Variants in NLRP2 observed in about 807,000 individuals in gnomAD.
NLRP2 encodes the protein NACHT, LRR and PYD domains-containing protein 2.
In NLRP2, 107 loss-of-function variants were observed where a neutral mutation model predicts 97.2. That is an observed-to-expected ratio of 1.10 (90% confidence interval 0.94 to 1.29). NLRP2 has a LOEUF of 1.29. NLRP2 is among the 50% of genes most tolerant of loss of function. The pLI is 0.00. For missense variants in NLRP2, 1,495 were observed against 1,330.3 expected (o/e 1.12, Z -1.93); for synonymous variants, 663 against 551.5 (o/e 1.20, Z -2.83).
intron 7 of NLRP2, 42 bp from the exon 8 acceptor site, chr19:54,986,109 G>A (rs771465530): frequency 2.3e-6 from 3 of 1,327,558 alleles, no homozygotes; most frequent in African/African-American, 2.9e-5. Flanking sequence ...TACGATACAG[G>A]TGTACACACT....
rs371270507 is a variant in NLRP2 at position 54,994,468 on chromosome 19, A to G, written c.2879+29A>G. ...AGTTAACTTATAAGTTCAACTTCCTATACTTACACCTTACTGAATCTGTGG... is the reference window on the plus strand; with the variant it reads ...AGTTAACTTATAAGTTCAACTTCCTGTACTTACACCTTACTGAATCTGTGG... On this transcript the variant is annotated intron_variant, in intron 11 of 12. Transcript: ENST00000448584. The G allele has an allele frequency of 4.8e-4, 773 of 1,608,256 alleles. 1 individual carries two copies. Among genetic ancestry groups the G allele is most frequent in the Non-Finnish European group, 5.8e-4 (688 of 1,176,508 alleles).
chr19:54,977,743 T>A lies in NLRP2; in HGVS notation c.326-9T>A. The A allele has an allele frequency of 6.2e-7, 1 of 1,613,796 alleles. No homozygotes were observed. Among genetic ancestry groups the A allele is most frequent in the Non-Finnish European group, 8.5e-7 (1 of 1,180,018 alleles). ...GCAACAGGCCTGTAATGCCGCCCTT[T>A]TTCTCCAGGGATAACACGGAAAGAA... On this transcript the variant is annotated splice_polypyrimidine_tract_variant and intron_variant, in intron 3 of 12. Transcript: ENST00000448584.
intron 1 of NLRP2, 132 bp downstream of exon 1, chr19:54,966,599 G>A (rs1602274582): frequency 6.6e-6 from 1 of 152,304 alleles, no homozygotes; most frequent in East Asian, 1.9e-4. Context: ...AGGCTGGAGT[G>A]CGGTGGCGCG....
At chr19:54,971,243 C>T (rs969086199) in intron 2 of NLRP2, among the ~76,000 whole-genome samples, 1 of 150,140 alleles carries the variant, frequency 6.7e-6, no homozygotes, top group Non-Finnish European at 1.5e-5. Flanking sequence ...TGGGTTGGTT[C>T]CAAGTCTTTG....
chr19:54,984,582 C>T (rs1163103140), intron 6 of NLRP2, among the ~76,000 whole-genome samples: 1 of 147,038 alleles, frequency 6.8e-6, no homozygotes, highest in Non-Finnish European at 1.5e-5. Flanking sequence ...CCACCAGGTT[C>T]AATGATTCTC....
chr19:54,996,143 G>A (rs964544539), intron 11 of NLRP2, among the ~76,000 whole-genome samples: 3 of 151,960 alleles, frequency 2.0e-5, no homozygotes, highest in African/African-American at 7.3e-5. Flanking sequence ...GGAGGTCAAG[G>A]CTGCAGTGAG....
At chr19:54,970,427 G>GTCCA in intron 2 of NLRP2, 132 bp downstream of exon 2, 1 of 991,156 alleles carries the variant, frequency 1.0e-6, no homozygotes, top group Non-Finnish European at 1.6e-6. Context: ...GAGGCGGTTG[G>GTCCA]ACCACCTGAG....
At chr19:54,978,111 T>TG (rs2071361548) in intron 4 of NLRP2, among the ~76,000 whole-genome samples, 1 of 152,136 alleles carries the variant, frequency 6.6e-6, no homozygotes, top group Admixed American at 6.6e-5. Flanking sequence ...CAGGTTGGAA[T>TG]GCAATGGCGC....
chr19:54,989,768 G>A, intron 8 of NLRP2: 2 of 567,814 alleles, frequency 3.5e-6, no homozygotes, highest in Non-Finnish European at 6.3e-6. Flanking sequence ...CAGATCACCT[G>A]AGATTGGGAG....
chr19:54,994,616 T>A (rs2072704352), intron 11 of NLRP2, among the ~76,000 whole-genome samples, 177 bp downstream of exon 11: 1 of 151,970 alleles, frequency 6.6e-6, no homozygotes, highest in African/African-American at 2.4e-5. Flanking sequence ...GTCTAAGTTT[T>A]TGTTTTTTTT....
rs555904875 is a variant in NLRP2, at chr19:54,981,517, TC to T, written c.398-93del. 321 of 286,800 alleles carry T rather than the reference TC, an allele frequency of 1.1e-3. 2 individuals are homozygous for T. Among genetic ancestry groups the T allele is most frequent in the Non-Finnish European group, 1.6e-3 (220 of 137,090 alleles). The allele number at this position is 286,800 out of a possible 1,614,324, so 17.8% of individuals were successfully genotyped here. A position where few individuals can be genotyped will look rare whatever the true frequency, so the allele number is the denominator to read the frequency against. ...GCTTTATCTGATCCCGTGCCCCCCC[TC>T]CCCCCCGCCCCATCAGCCTGCCTCC... On this transcript the variant is annotated intron_variant, in intron 4 of 12. Coordinates refer to ENST00000448584, the MANE Select transcript of NLRP2 (RefSeq NM_017852.5).
At position 54,974,535 on chromosome 19, in the gene NLRP2, CT is replaced by C; in HGVS notation, c.317del (p.Leu106HisfsTer3). The C allele has an allele frequency of 6.2e-7, 1 of 1,603,970 alleles. No individual in the cohort carries two copies. The highest frequency in any genetic ancestry group is 8.5e-7 in the Non-Finnish European group (1 of 1,170,786). ...GAAATCCTTTAATAAAAGGAAGCCT[CT>C]ATCATTAGGTAAGTTACCTCATTTA... ...ALKSFNKRKP[L>X]SLGITRKERP... On this transcript the variant is annotated frameshift_variant, in exon 3 of 13. Transcript: ENST00000448584. LOFTEE classifies it high-confidence loss of function.
chr19:54,993,968 C>A, intron 10 of NLRP2: 1 of 493,936 alleles, frequency 2.0e-6, no homozygotes, highest in Non-Finnish European at 3.7e-6. Flanking sequence ...CTTTGACTCT[C>A]AGCTCCCTCT....
intron 3 of NLRP2, 90 bp downstream of exon 3, chr19:54,974,634 A>G (rs1234110567): frequency 2.1e-6 from 2 of 936,318 alleles, no homozygotes; most frequent in Non-Finnish European, 3.5e-6. Flanking sequence ...AGCACTAAGA[A>G]TGCAAAGAAA....
chr19:54,975,100 G>A (rs939533989), intron 3 of NLRP2, among the ~76,000 whole-genome samples: 1 of 101,484 alleles, frequency 9.9e-6, no homozygotes, highest in African/African-American at 3.2e-5. Context: ...CACCACACCC[G>A]GTTTTGTTTT....
chr19:54,996,747 C>G (rs2072847920), intron 11 of NLRP2, among the ~76,000 whole-genome samples: 2 of 151,978 alleles, frequency 1.3e-5, no homozygotes, highest in Admixed American at 1.3e-4. Flanking sequence ...TATTTCTCTG[C>G]CTGGAGAACT....
chr19:54,973,999 GA>G, intron 2 of NLRP2: 1 of 1,252,636 alleles, frequency 8.0e-7, no homozygotes. Context: ...AAACTACAAA[GA>G]AGATTGTGCT....
chr19:54,993,767 G>C (rs964988716), intron 10 of NLRP2: 2 of 254,184 alleles, frequency 7.9e-6, no homozygotes, highest in South Asian at 1.0e-4. Flanking sequence ...TACTCGGAAG[G>C]CTGGGGCACA....
intron 8 of NLRP2, among the ~76,000 whole-genome samples, chr19:54,987,437 G>GGT (rs1568515542): frequency 6.6e-6 from 1 of 152,252 alleles, no homozygotes; most frequent in East Asian, 1.9e-4. Flanking sequence ...TGGCCACACT[G>GGT]GTGTAGTAGG....
Sources: gnomAD v4.1 joint callset for allele counts (sites outside exome capture counted in the v4.1 genomes callset) on GRCh38, gnomAD v4.1.1 for gene constraint, MANE v1.5 for transcripts, NCBI Gene and HGNC (gene_info 2026-07-23, HGNC 2026-07-21) for gene names.